The following ZNF273 variants were observed in gnomAD, a reference collection of about 807,000 sequenced individuals.
ZNF273 encodes zinc finger protein 273, also known as zinc finger protein 9.
A neutral mutation model predicts 14.9 loss-of-function variants in ZNF273; 11 were observed. That is an observed-to-expected ratio of 0.74 (90% CI 0.46 to 1.22). The LOEUF (loss-of-function observed/expected upper bound fraction) is 1.22. ZNF273 is among the 50% of genes most tolerant of loss of function. The probability of loss-of-function intolerance (pLI) is 0.00; values close to 1 mark genes in which losing one functional copy is unlikely to be tolerated. For synonymous variants in ZNF273, 199 were observed against 223.9 expected, an observed-to-expected ratio of 0.89 and a Z score of 0.99; for missense variants, 577 against 660.6, an observed-to-expected ratio of 0.87 and a Z score of 1.39.
chr7:64,923,405 A>G (rs747871996), intron 3 of ZNF273: 5 of 453,918 alleles, frequency 1.1e-5, no homozygotes, highest in South Asian at 3.1e-5. Flanking sequence ...CAGTGGCGTG[A>G]TCTTGGGTTA....
chr7:64,899,816 A>C (rs1168112815), upstream of ZNF273, among the ~76,000 whole-genome samples: 1 of 149,726 alleles, frequency 6.7e-6, no homozygotes, highest in Non-Finnish European at 1.5e-5. Flanking sequence ...GCTGGAGTGC[A>C]ATGGCGTGAT....
intron 2 of ZNF273, among the ~76,000 whole-genome samples, chr7:64,878,924 G>C (rs1791183489): frequency 6.6e-6 from 1 of 152,196 alleles, no homozygotes; most frequent in African/African-American, 2.4e-5. Flanking sequence ...CATTCCTTCT[G>C]AGCACTGTCA....
At chr7:64,887,177 AT>A (rs1791640575) in intron 1 of ZNF273, among the ~76,000 whole-genome samples, 1 of 152,160 alleles carries the variant, frequency 6.6e-6, no homozygotes, top group Non-Finnish European at 1.5e-5. Context: ...GTCTATCATT[AT>A]TTTCTGATGG....
chr7:64,908,239 A>AT (rs550098411), intron 1 of ZNF273, among the ~76,000 whole-genome samples: 27 of 152,150 alleles, frequency 1.8e-4, no homozygotes, highest in Middle Eastern at 3.4e-3. Flanking sequence ...CCACTCATGG[A>AT]TTTTTTTTCC....
upstream of ZNF273, among the ~76,000 whole-genome samples, chr7:64,901,902 T>C (rs1168117867): frequency 6.6e-6 from 1 of 151,846 alleles, no homozygotes; most frequent in Non-Finnish European, 1.5e-5. Context: ...TGAGCCCACA[T>C]TGTGCGAGTG....
At position 64,912,826 on chromosome 7, in the gene ZNF273, G is replaced by GTTTTTTGTTGTTGTTGTTTTTTTTTTTTT; in HGVS notation, c.103-4749_103-4748insGTTGTTGTTGTTTTTTTTTTTTTTTTTTT. 2.4e-3 allele frequency among the ~76,000 whole-genome samples: 87 copies of GTTTTTTGTTGTTGTTGTTTTTTTTTTTTT among 36,572 alleles called. 1 individual carries two copies. The highest frequency in any genetic ancestry group is 6.8e-3 in the East Asian group (11 of 1,618). The allele number at this position is 36,572 out of a possible 152,430, so 24.0% of individuals were successfully genotyped here. On this transcript the variant is annotated intron_variant, in intron 1 of 3. Transcript: ENST00000476120. ...TCTTTTTGACTCAGGATTCATTTTA[G>GTTTTTTGTTGTTGTTGTTTTTTTTTTTTT]TTTTTTTTTTTTTTTTTTTTGAGAT...
At chr7:64,888,644 T>C in exon 2 of ZNF273, 1 of 985,888 alleles carries the variant, frequency 1.0e-6, no homozygotes, top group Non-Finnish European at 1.2e-6. Flanking sequence ...GGATCTGTTT[T>C]CTGCCCCTGA....
At chr7:64,889,345 C>CAGCT (rs1791816881), downstream of ZNF273, 1 of 959,692 alleles carries the variant, frequency 1.0e-6, no homozygotes, top group Admixed American at 6.2e-5. The surrounding 1 kb of genome is among the most constrained non-coding windows in gnomAD (Gnocchi z 4.2). Flanking sequence ...TCCGCCCCAA[C>CAGCT]AGCTGGTGCT....
intron 1 of ZNF273, among the ~76,000 whole-genome samples, chr7:64,878,115 C>T (rs551451088): frequency 6.6e-6 from 1 of 152,224 alleles, no homozygotes; most frequent in South Asian, 2.1e-4. Context: ...AACGCTTGTT[C>T]TTTTGAGTCG....
At chr7:64,903,107 A>T (rs1283531597), upstream of ZNF273, 1 of 470,746 alleles carries the variant, frequency 2.1e-6, no homozygotes, top group Admixed American at 3.5e-5. Context: ...TTTAGGTTTC[A>T]TTCTATCTTC....
chr7:64,928,013 A>G lies in ZNF273; in HGVS notation c.685A>G (p.Thr229Ala). 1 of 1,614,064 alleles carries G rather than the reference A, an allele frequency of 6.2e-7. No homozygotes were observed. The highest frequency in any genetic ancestry group is 8.5e-7 in the Non-Finnish European group (1 of 1,179,944). ...ACTAACTCAGCATAAGAAAACTGCT[A>G]CTAGAGTGAATTTCTACAAATGTAA... ...SQLTQHKKTA[T>A]RVNFYKCKTC... The change falls in exon 4 of 4, where the codon ACT becomes GCT. Residue 229 changes from threonine (T) to alanine (A), a missense_variant. Physicochemically the swap from Thr to Ala is moderately conservative, Grantham distance 58. Around this residue, in one of 3 missense-constraint regions of ZNF273, gnomAD observed 411 missense variants for 440.4 expected, o/e 0.93. Coordinates refer to ENST00000476120, the MANE Select transcript of ZNF273 (RefSeq NM_021148.3).
downstream of ZNF273, chr7:64,880,366 A>T (rs973138561): frequency 5.9e-5 from 9 of 152,254 alleles, no homozygotes; most frequent in Admixed American, 5.9e-4. Flanking sequence ...TTCTGACTAC[A>T]GCACTCTTGT....
downstream of ZNF273, among the ~76,000 whole-genome samples, chr7:64,934,133 G>A (rs966179862): frequency 6.6e-6 from 1 of 152,120 alleles, no homozygotes; most frequent in Non-Finnish European, 1.5e-5. Flanking sequence ...GACTTCAAGT[G>A]ATCTGCCCGC....
intron 1 of ZNF273, among the ~76,000 whole-genome samples, chr7:64,911,779 A>G (rs1793533382): frequency 1.3e-5 from 2 of 151,908 alleles, no homozygotes; most frequent in South Asian, 4.2e-4. Context: ...CTGCTAGTTT[A>G]GGGATTTGCT....
chr7:64,886,606 A>G (rs1195584261), intron 1 of ZNF273, among the ~76,000 whole-genome samples: 1 of 152,198 alleles, frequency 6.6e-6, no homozygotes, highest in East Asian at 1.9e-4. Flanking sequence ...AACCACTGTC[A>G]TCTCACTTAA....
downstream of ZNF273, among the ~76,000 whole-genome samples, chr7:64,934,679 A>G (rs549742465): frequency 6.6e-6 from 1 of 152,138 alleles, no homozygotes; most frequent in African/African-American, 2.4e-5. Context: ...GTCTGTTTTT[A>G]TTCAAGTACC....
chr7:64,913,020 G>A (rs1303113641), intron 1 of ZNF273, among the ~76,000 whole-genome samples: 1 of 151,122 alleles, frequency 6.6e-6, no homozygotes, highest in East Asian at 1.9e-4. Flanking sequence ...GTAGAGATGA[G>A]GTTTCGCCAT....
chr7:64,892,993 G>T (rs377564568), downstream of ZNF273, among the ~76,000 whole-genome samples: 3 of 152,106 alleles, frequency 2.0e-5, no homozygotes. Flanking sequence ...TGTTGGACAT[G>T]CCTGGCCCAC....
At chr7:64,897,745 G>C (rs1357218605) in exon 4 of ZNF273, 1 of 121,114 alleles carries the variant, frequency 8.3e-6, no homozygotes, top group East Asian at 2.4e-4. Context: ...ACGGAGTCTT[G>C]CTCTGTCGCC....
Sources: allele counts gnomAD v4.1 joint callset (sites outside exome capture counted in the v4.1 genomes callset), GRCh38; gene constraint gnomAD v4.1.1; regional missense constraint gnomAD v4.1.1; non-coding constraint Gnocchi (gnomAD v3.1); transcripts MANE v1.5; gene names NCBI Gene and HGNC (gene_info 2026-07-23, HGNC 2026-07-21).